OBSL1: variants seen among roughly 807,000 people sequenced by gnomAD.
The protein encoded by OBSL1 is obscurin-like protein 1.
In OBSL1, 160 loss-of-function variants were observed where a neutral mutation model predicts 172.0. The observed-to-expected ratio is 0.93, with a 90% confidence interval of 0.82 to 1.06. The LOEUF is 1.06. Among genes scored for constraint, OBSL1 ranks in the 50% least tolerant of loss-of-function variants. The pLI is 0.00. For synonymous variants in OBSL1, 1,200 were observed against 1,196.3 expected (o/e 1.00, Z -0.06); for missense variants, 2,681 against 2,715.4 (o/e 0.99, Z 0.28).
intron 18 of OBSL1, 139 bp downstream of exon 18, chr2:219,552,397 A>T: frequency 1.1e-6 from 1 of 912,136 alleles, no homozygotes; most frequent in East Asian, 2.7e-5. Context: ...GGGGCGGGGG[A>T]AAGAACAGGG....
Position 219,570,997 on chromosome 2 carries a change from G to T in OBSL1, c.236C>A (p.Ala79Glu). Residue 79 changes from alanine (A) to glutamate (E), a missense_variant, in exon 1 of 21, where the codon GCG becomes GAG. Transcript: ENST00000404537. ...GCGGGCGCGGCACACGTAGACCCCC[G>T]CGTCGGTGGGCAGTGCGGCGGTCAG... is the stretch of plus-strand genomic sequence containing the variant. The part of the protein sequence containing the change: ...LLLTAALPTD[A>E]GVYVCRARNA... The T allele has an allele frequency of 7.1e-7, 1 of 1,403,292 alleles. No homozygotes were observed. The highest frequency in any genetic ancestry group is 2.2e-4 in the Middle Eastern group (1 of 4,554). The allele number at this position is 1,403,292 out of a possible 1,614,324, so 86.9% of individuals were successfully genotyped here.
Position 219,551,799 on chromosome 2 carries a change from C to T in OBSL1, c.5414-1G>A, listed in dbSNP as rs1406227785. ...TGGCGGCACATCTGGAGAGGCAATG[C>T]TGGGGGTAGGGGGCGGGGGCTTAAG... On this transcript the variant is annotated splice_acceptor_variant, in intron 19 of 20. Coordinates refer to ENST00000404537, the MANE Select transcript of OBSL1 (RefSeq NM_015311.3). LOFTEE classifies it high-confidence loss of function. The T allele has an allele frequency of 1.9e-6, 3 of 1,564,116 alleles. No individual in the cohort carries two copies. The highest frequency in any genetic ancestry group is 2.6e-6 in the Non-Finnish European group (3 of 1,151,010).
chr2:219,563,254 A>G, intron 7 of OBSL1, 101 bp downstream of exon 7: 2 of 1,234,820 alleles, frequency 1.6e-6, no homozygotes, highest in Non-Finnish European at 2.2e-6. Flanking sequence ...GGAGGGCAGT[A>G]GGGGCGGGGA....
In OBSL1 at chr2:219,556,544, A is replaced by G. The variant is rs995486860; in HGVS notation, c.4246T>C (p.Leu1416=). 6.2e-7 allele frequency: 1 copy of G among 1,613,940 alleles called. No individual in the cohort carries two copies. The highest frequency in any genetic ancestry group is 1.1e-5 in the South Asian group (1 of 91,074). ...CCCAGTTGGCAGCCTCGCAAGGTTAAGATGCGGCTTGAACCATTCTGGGCC... is the reference window on the plus strand; with the variant it reads ...CCCAGTTGGCAGCCTCGCAAGGTTAGGATGCGGCTTGAACCATTCTGGGCC... ...EMAQNGSSRI[L]TLRGCQLGDA... is the part of the protein sequence containing the mutation. The change falls in exon 13 of 21, where the codon TTA becomes CTA. Residue 1416 remains leucine (L), a synonymous_variant. Coordinates refer to ENST00000404537, the MANE Select transcript of OBSL1 (RefSeq NM_015311.3).
rs1311309619 is a variant in OBSL1 at position 219,570,690 on chromosome 2, C to T, written c.543G>A (p.Pro181=). 10 of 1,508,900 alleles carry T rather than the reference C, an allele frequency of 6.6e-6. No homozygotes were observed. In the East Asian group the frequency reaches 2.4e-4, roughly 36 times the overall value. The allele number at this position is 1,508,900 out of a possible 1,614,324, so 93.5% of individuals were successfully genotyped here. Residue 181 remains proline (P), a synonymous_variant, in exon 1 of 21, where the codon CCG becomes CCA. Coordinates refer to ENST00000404537, the MANE Select transcript of OBSL1 (RefSeq NM_015311.3). ...CGCCGGGGCCGTCCTCGGCGCGGCC[C>T]GGCTGGAGCGCGAAGTGGCTGCTGT... ...VWDSSHFALQ[P]GRAEDGPGAS...
At position 219,552,641 on chromosome 2, in the gene OBSL1, C is replaced by T; in HGVS notation, c.5203G>A (p.Gly1735Ser). The T allele has an allele frequency of 6.4e-7, 1 of 1,552,484 alleles. No homozygotes were observed. The highest frequency in any genetic ancestry group is 8.7e-7 in the Non-Finnish European group (1 of 1,153,746). ...GACACGGTGCACTCGAACGTAGCGC[C>T]GTCGCCTTCGCGGGCGCTCACCGAC... is the stretch of plus-strand genomic sequence containing the variant. ...LRSVSAREGD[G>S]ATFECTVSEV... Residue 1735 changes from glycine (G) to serine (S), a missense_variant, in exon 18 of 21, where the codon GGC becomes AGC. Around this residue, in one of 5 missense-constraint regions of OBSL1, gnomAD observed 1,765 missense variants for 1,748.3 expected, o/e 1.01. Transcript: ENST00000404537.
At chr2:219,549,227 G>A (rs769473077), downstream of OBSL1, 31 of 1,613,906 alleles carry the variant, frequency 1.9e-5, no homozygotes, top group Middle Eastern at 1.6e-4. Context: ...GAGAAAAGGC[G>A]GAAAAAGAGA....
chr2:219,549,050 G>A, downstream of OBSL1: 10 of 1,325,632 alleles, frequency 7.5e-6, no homozygotes, highest in Non-Finnish European at 1.1e-5. Flanking sequence ...TGGACAAGAG[G>A]AATCTGGAAG....
At position 219,567,368 on chromosome 2, in the gene OBSL1, C is replaced by T. The variant is rs202242827; in HGVS notation, c.1742G>A (p.Cys581Tyr). Residue 581 changes from cysteine (C) to tyrosine (Y), a missense_variant, in exon 4 of 21, where the codon TGT becomes TAT. Coordinates refer to ENST00000404537, the MANE Select transcript of OBSL1 (RefSeq NM_015311.3). ...KAGAVEVPGD[C>Y]VPSEGDYRFR... Reference sequence around the variant, plus strand: ...GCGGTAGTCACCCTCGGAGGGCACACAGTCGCCCGGCACCTCCACGGCTCC... The same window carrying T: ...GCGGTAGTCACCCTCGGAGGGCACATAGTCGCCCGGCACCTCCACGGCTCC... The T allele has an allele frequency of 1.8e-4, 293 of 1,612,688 alleles. No homozygotes were observed. Among genetic ancestry groups the T allele is most frequent in the Non-Finnish European group, 2.4e-4 (281 of 1,179,352 alleles).
At position 219,570,643 on chromosome 2, in the gene OBSL1, A is replaced by G. The variant is rs531223966; in HGVS notation, c.590T>C (p.Leu197Pro). Residue 197 changes from leucine (L) to proline (P), a missense_variant, in exon 1 of 21, where the codon CTG (leucine) becomes CCG (proline). Transcript: ENST00000404537. ...GCCGGAATCCGGCAGCCGAGCCGCCAGGATGCGCAGTGCCAGGCTCGCGCC... is the reference window on the plus strand; with the variant it reads ...GCCGGAATCCGGCAGCCGAGCCGCCGGGATGCGCAGTGCCAGGCTCGCGCC... ...GPGASLALRILAARLPDSGVY... is the reference protein window; with the variant it reads ...GPGASLALRIPAARLPDSGVY... The G allele has an allele frequency of 1.1e-5, 16 of 1,509,234 alleles. No individual in the cohort carries two copies. In the South Asian group the frequency reaches 1.1e-4, roughly 10 times the overall value. The allele number at this position is 1,509,234 out of a possible 1,614,324, so 93.5% of individuals were successfully genotyped here.
chr2:219,570,234 C>T lies in OBSL1; in HGVS notation c.999G>A (p.Gln333=), dbSNP rs1249371127. The T allele has an allele frequency of 1.3e-6, 2 of 1,564,262 alleles. No individual in the cohort carries two copies. Among genetic ancestry groups the T allele is most frequent in the Non-Finnish European group, 8.7e-7 (1 of 1,153,166 alleles). The stretch of plus-strand genomic sequence containing the variant: ...GCTCCGCCGTACCTTTCACGTGCAG[C>T]TGCACGGCACTGAGCGTCTGGCCCG... ...NSAGQTLSAV[Q]LHVKEPRLRF... Residue 333 remains glutamine, a synonymous_variant, in exon 1 of 21, where the codon CAG becomes CAA. Transcript: ENST00000404537.
At chr2:219,550,665 G>A (rs1043374546), downstream of OBSL1, 19 of 838,148 alleles carry the variant, frequency 2.3e-5, no homozygotes, top group East Asian at 1.4e-4. Context: ...CCCCAGTGTC[G>A]CTCACTGCAC....
chr2:219,550,712 C>T (rs1317195180), downstream of OBSL1: 1 of 1,348,972 alleles, frequency 7.4e-7, no homozygotes, highest in Non-Finnish European at 1.0e-6. Flanking sequence ...CCACATCACT[C>T]AGAGAGGCAA....
chr2:219,563,350 C>T lies in OBSL1; in HGVS notation c.2680+5G>A, dbSNP rs759959354. On this transcript the variant is annotated splice_donor_5th_base_variant and intron_variant, in intron 7 of 20. Transcript: ENST00000404537. ...TGTGCCTCCGAGGCCCACCTGGCCC[C>T]CCACCTGTGATGGTGACAGTGAAGT... is the stretch of plus-strand genomic sequence containing the variant. 6 of 1,557,628 alleles carry T rather than the reference C, an allele frequency of 3.9e-6. No homozygotes were observed. Among genetic ancestry groups the T allele is most frequent in the African/African-American group, 1.3e-5 (1 of 74,074 alleles).
At chr2:219,554,254 C>T (rs1574524921) in intron 15 of OBSL1, 1 of 603,950 alleles carries the variant, frequency 1.7e-6, no homozygotes, top group South Asian at 2.0e-5. Context: ...CAGTGGTTGG[C>T]TGAGCCTTGG....
chr2:219,561,061 G>A (rs529661270), intron 8 of OBSL1, among the ~76,000 whole-genome samples: 2 of 152,174 alleles, frequency 1.3e-5, no homozygotes, highest in South Asian at 4.1e-4. Flanking sequence ...GGTGGGAGAG[G>A]GTGAAGATGA....
intron 16 of OBSL1, 69 bp downstream of exon 16, chr2:219,553,505 G>C (rs1695781781): frequency 8.9e-7 from 1 of 1,119,972 alleles, no homozygotes; most frequent in Non-Finnish European, 1.3e-6. Context: ...AATATTAGCT[G>C]TTTCTGTCTG....
Position 219,552,227 on chromosome 2 carries a change from G to C in OBSL1, c.5309-11C>G. The C allele has an allele frequency of 1.3e-6, 2 of 1,585,376 alleles. No homozygotes were observed. The highest frequency in any genetic ancestry group is 1.7e-6 in the Non-Finnish European group (2 of 1,166,428). On this transcript the variant is annotated splice_polypyrimidine_tract_variant and intron_variant, in intron 18 of 20. Coordinates refer to ENST00000404537, the MANE Select transcript of OBSL1 (RefSeq NM_015311.3). ...GAATGTGTTTCTTCCCTGGGGGTGA[G>C]GGGGTCGCTAGCGAGGCCGGAGCCA... is the stretch of plus-strand genomic sequence containing the variant.
At chr2:219,554,181 T>G (rs1574524726) in intron 15 of OBSL1, 3 of 501,378 alleles carry the variant, frequency 6.0e-6, no homozygotes, top group Admixed American at 3.3e-5. Flanking sequence ...GTCAGTGGGG[T>G]GGTGTGCAGG....
Sources: allele counts gnomAD v4.1 joint callset (sites outside exome capture counted in the v4.1 genomes callset), GRCh38; gene constraint gnomAD v4.1.1; regional missense constraint gnomAD v4.1.1; transcripts MANE v1.5; gene names NCBI Gene and HGNC (gene_info 2026-07-23, HGNC 2026-07-21).